Variants in PTPRM observed in about 807,000 individuals in gnomAD.
The protein encoded by PTPRM is receptor-type tyrosine-protein phosphatase mu.
In PTPRM, 47 loss-of-function variants were observed where a neutral mutation model predicts 186.7. The observed-to-expected ratio is 0.25, with a 90% CI of 0.20 to 0.32. The LOEUF is 0.32. PTPRM is among the 10% of genes least tolerant of loss of function. PTPRM has a pLI of 1.00. For synonymous variants in PTPRM, 668 were observed against 674.9 expected, an observed-to-expected ratio of 0.99 and a Z score of 0.16; for missense variants, 1,494 against 1,865.0, an observed-to-expected ratio of 0.80 and a Z score of 3.66.
intron 13 of PTPRM, 26 bp from the exon 14 acceptor site, chr18:8,143,621 C>T: frequency 6.4e-7 from 1 of 1,572,732 alleles, no homozygotes; most frequent in Non-Finnish European, 8.8e-7. Flanking sequence ...TACAGTCTCT[C>T]CTTTTTCATT....
rs2087552597 is a variant in PTPRM, at chr18:8,052,197, C to G, written c.1133-17489C>G. ...GGGCTCTAGGCTCTTTCTCAAATTT[C>G]TCTGATGACAAGAATCACCCAGGCT... On this transcript the variant is annotated intron_variant, in intron 7 of 32. Coordinates refer to ENST00000580170, the MANE Select transcript of PTPRM (RefSeq NM_001105244.2). Among the ~76,000 whole-genome samples, 7 of 152,232 alleles carry G rather than the reference C, an allele frequency of 4.6e-5. No homozygotes were observed. The South Asian group carries it at 1.5e-3, about 32-fold the overall frequency.
At chr18:8,351,581 C>T (rs1352929863) in intron 23 of PTPRM, among the ~76,000 whole-genome samples, 5 of 151,936 alleles carry the variant, frequency 3.3e-5, no homozygotes, top group South Asian at 2.1e-4. Flanking sequence ...GCCACAGGGA[C>T]GGCCTCTCTG....
chr18:8,155,962 C>T (rs2093112606), intron 14 of PTPRM, among the ~76,000 whole-genome samples: 1 of 152,214 alleles, frequency 6.6e-6, no homozygotes. Flanking sequence ...CTTTAATATG[C>T]AGTCCTATAA....
intron 17 of PTPRM, 145 bp downstream of exon 17, chr18:8,248,321 G>A: frequency 1.2e-6 from 1 of 822,894 alleles, no homozygotes. Flanking sequence ...TGGGTCATGG[G>A]GTTAAAGGAA....
chr18:8,076,612 C>T, intron 9 of PTPRM, 48 bp downstream of exon 9: 1 of 983,164 alleles, frequency 1.0e-6, no homozygotes, highest in Non-Finnish European at 1.6e-6. Context: ...TACTCATGAT[C>T]ATGATAATGT....
At chr18:7,624,324 CTTAAAGGGACATCT>C (rs1293504625) in intron 1 of PTPRM, among the ~76,000 whole-genome samples, 1 of 152,118 alleles carries the variant, frequency 6.6e-6, no homozygotes, top group Non-Finnish European at 1.5e-5. Context: ...AGAGTACATC[CTTAAAGGGACATCT>C]CCCCTAGTTA....
At chr18:8,153,076 G>T (rs952379826) in intron 14 of PTPRM, among the ~76,000 whole-genome samples, 1 of 152,180 alleles carries the variant, frequency 6.6e-6, no homozygotes, top group South Asian at 2.1e-4. Flanking sequence ...CTTATTTTTG[G>T]CACCAGTAGT....
intron 7 of PTPRM, among the ~76,000 whole-genome samples, chr18:8,065,169 T>G (rs1040732541): frequency 2.6e-5 from 4 of 152,114 alleles, no homozygotes; most frequent in Admixed American, 1.3e-4. Context: ...GTAGTAGTAA[T>G]AAAAGGTAAA....
chr18:7,776,974 C>T (rs2145013117), intron 2 of PTPRM, among the ~76,000 whole-genome samples: 1 of 80,384 alleles, frequency 1.2e-5, no homozygotes, highest in South Asian at 4.1e-4. Flanking sequence ...AGGGTTTTCA[C>T]CTTCTTTTTC....
At chr18:7,743,627 T>G (rs1568069015) in intron 1 of PTPRM, among the ~76,000 whole-genome samples, 1 of 152,236 alleles carries the variant, frequency 6.6e-6, no homozygotes, top group Non-Finnish European at 1.5e-5. Context: ...GACATAGGGC[T>G]TTATTAGTGC....
At chr18:7,983,214 G>C (rs1010104728) in intron 7 of PTPRM, among the ~76,000 whole-genome samples, 1 of 152,100 alleles carries the variant, frequency 6.6e-6, no homozygotes, top group South Asian at 2.1e-4. Context: ...TGTCAGATCA[G>C]CAGCGGCCAT....
intron 7 of PTPRM, among the ~76,000 whole-genome samples, chr18:8,013,380 C>T (rs1255668324): frequency 6.6e-6 from 1 of 152,102 alleles, no homozygotes; most frequent in East Asian, 1.9e-4. Flanking sequence ...TAACATAAAC[C>T]ATCGATTAAC....
chr18:8,054,321 ATT>A (rs2087751705), intron 7 of PTPRM, among the ~76,000 whole-genome samples: 1 of 140,964 alleles, frequency 7.1e-6, no homozygotes, highest in Admixed American at 7.0e-5. Flanking sequence ...ATATATATAT[ATT>A]ACTACTACTA....
At chr18:8,386,944 T>G in intron 30 of PTPRM, 128 bp from the exon 31 acceptor site, 1 of 958,972 alleles carries the variant, frequency 1.0e-6, no homozygotes, top group Non-Finnish European at 1.6e-6. Context: ...AGAAGCCACG[T>G]TGGTAATTTG....
At chr18:7,696,808 A>G (rs1176900429) in intron 1 of PTPRM, among the ~76,000 whole-genome samples, 2 of 152,206 alleles carry the variant, frequency 1.3e-5, no homozygotes, top group Non-Finnish European at 1.5e-5. Flanking sequence ...CTTGACTACA[A>G]CAGAACCAAA....
chr18:7,949,203 C>T lies in PTPRM; in HGVS notation c.686C>T (p.Pro229Leu), dbSNP rs1332871442. The stretch of plus-strand genomic sequence containing the variant: ...CAGGGCATTGATGTGCGAGATGCTC[C>T]TCTGAAGGAAATCAAGGTGACCAGC... ...WLQGIDVRDA[P>L]LKEIKVTSSR... is the part of the protein sequence containing the mutation. The change falls in exon 6 of 33, where the codon CCT (proline) becomes CTT (leucine). Residue 229 changes from proline (P) to leucine (L), a missense_variant. Pro to Leu is a moderately conservative substitution (Grantham distance 98). Around this residue, in one of 3 missense-constraint regions of PTPRM, gnomAD observed 296 missense variants for 345.5 expected, o/e 0.86. Coordinates refer to ENST00000580170, the MANE Select transcript of PTPRM (RefSeq NM_001105244.2). 2 of 1,609,470 alleles carry T rather than the reference C, an allele frequency of 1.2e-6. No individual in the cohort carries two copies. The highest frequency in any genetic ancestry group is 1.7e-5 in the Admixed American group (1 of 60,006).
intron 14 of PTPRM, among the ~76,000 whole-genome samples, chr18:8,243,409 G>A (rs1368444549): frequency 6.6e-6 from 1 of 152,078 alleles, no homozygotes; most frequent in African/African-American, 2.4e-5. Context: ...ACTAATCTGG[G>A]TTCATTTGGG....
chr18:8,035,772 G>A (rs1175274702), intron 7 of PTPRM, among the ~76,000 whole-genome samples: 1 of 152,136 alleles, frequency 6.6e-6, no homozygotes, highest in East Asian at 1.9e-4. Flanking sequence ...TACCTTGATT[G>A]TGGTACAGGA....
chr18:7,766,427 C>T (rs1378229922), intron 1 of PTPRM, among the ~76,000 whole-genome samples: 1 of 152,124 alleles, frequency 6.6e-6, no homozygotes, highest in Non-Finnish European at 1.5e-5. Context: ...AGACAGAGCT[C>T]CAGGGAGGAG....
Sources: gnomAD v4.1 joint callset for allele counts (sites outside exome capture counted in the v4.1 genomes callset) on GRCh38, gnomAD v4.1.1 for gene constraint, gnomAD v4.1.1 regional missense constraint, MANE v1.5 for transcripts, NCBI Gene and HGNC (gene_info 2026-07-23, HGNC 2026-07-21) for gene names.